Variants in GNAZ observed in about 807,000 individuals in gnomAD.
GNAZ encodes the protein G protein subunit alpha z.
GNAZ carries 3 observed loss-of-function variants against 25.4 expected under a neutral mutation model. The observed-to-expected ratio is 0.12, with a 90% confidence interval of 0.05 to 0.30. The LOEUF (loss-of-function observed/expected upper bound fraction) is 0.30. Ranked by LOEUF, GNAZ falls within the 10% of genes least tolerant of loss-of-function variation. The pLI, the probability that GNAZ is intolerant of heterozygous loss-of-function variation, is 1.00. For missense variants in GNAZ, 241 were observed against 501.8 expected (o/e 0.48, Z 4.97); for synonymous variants, 211 against 205.7 (o/e 1.03, Z -0.22).
Position 23,095,674 on chromosome 22 carries a change from C to T in GNAZ, c.-22C>T. 6.3e-7 allele frequency: 1 copy of T among 1,584,640 alleles called. No individual in the cohort carries two copies. The highest frequency in any genetic ancestry group is 1.4e-5 in the African/African-American group (1 of 73,978). On this transcript the variant is annotated 5_prime_UTR_variant, in exon 2 of 3. Coordinates refer to ENST00000615612, the MANE Select transcript of GNAZ (RefSeq NM_002073.4). ...AGGTGCCCCATCCCGTGCTCCTTGT[C>T]TGGGCCCGCTGCTGCCAGACCATGG...
intron 2 of GNAZ, among the ~76,000 whole-genome samples, chr22:23,110,403 C>G (rs928530262): frequency 1.3e-5 from 2 of 152,230 alleles, no homozygotes; most frequent in African/African-American, 2.4e-5. Flanking sequence ...TTCTGGGGCC[C>G]TCCCACCAGG....
Position 23,113,774 on chromosome 22 carries a change from G to A in GNAZ, c.724-9313G>A, listed in dbSNP as rs532969486. On this transcript the variant is annotated intron_variant, in intron 2 of 2. Transcript: ENST00000615612. ...GAATGCCTGTGTCCCAGACCCCCTC[G>A]GCAGCACTCAGGATGGCCCAGGCAG... 3.1e-4 allele frequency among the ~76,000 whole-genome samples: 47 copies of A among 152,346 alleles called. No individual in the cohort carries two copies. In the Middle Eastern group the frequency reaches 0.014, roughly 44 times the overall value.
intron 2 of GNAZ, among the ~76,000 whole-genome samples, chr22:23,116,057 TCAAA>T (rs1263918437): frequency 4.6e-5 from 7 of 152,170 alleles, no homozygotes; most frequent in African/African-American, 1.7e-4. Flanking sequence ...AACAAAACAG[TCAAA>T]CAGGTGCCAG....
intron 2 of GNAZ, among the ~76,000 whole-genome samples, chr22:23,116,701 CT>C (rs2069845953): frequency 6.6e-6 from 1 of 152,184 alleles, no homozygotes; most frequent in Non-Finnish European, 1.5e-5. Flanking sequence ...AGCCTCTCAC[CT>C]CCCCACCCCC....
At chr22:23,112,710 C>T (rs889117947) in intron 2 of GNAZ, among the ~76,000 whole-genome samples, 4 of 152,170 alleles carry the variant, frequency 2.6e-5, no homozygotes, top group African/African-American at 7.2e-5. Context: ...GATGCAGCTG[C>T]GACCTGTAGA....
At chr22:23,116,133 G>A (rs1454739962) in intron 2 of GNAZ, among the ~76,000 whole-genome samples, 2 of 152,286 alleles carry the variant, frequency 1.3e-5, no homozygotes, top group East Asian at 3.8e-4. Flanking sequence ...GCCTGGGTAA[G>A]CCTTGCTTCG....
chr22:23,072,155 C>A (rs1005827206), intron 1 of GNAZ, among the ~76,000 whole-genome samples: 1 of 152,174 alleles, frequency 6.6e-6, no homozygotes, highest in Non-Finnish European at 1.5e-5. Flanking sequence ...ACAGCCAGGG[C>A]ACTGGGTAAC....
chr22:23,124,093 T>A lies in GNAZ; in HGVS notation c.*662T>A, dbSNP rs1429415455. The A allele has an allele frequency of 4.7e-6, 1 of 214,394 alleles. No homozygotes were observed. The highest frequency in any genetic ancestry group is 2.4e-5 in the African/African-American group (1 of 41,996). The allele number at this position is 214,394 out of a possible 1,614,324, so 13.3% of individuals were successfully genotyped here. ...GCAAAAACCAATACAACAAAACGAG[T>A]GGCACGATTTATTTCAAACTAGGCC... On this transcript the variant is annotated 3_prime_UTR_variant, in exon 3 of 3. Coordinates refer to ENST00000615612, the MANE Select transcript of GNAZ (RefSeq NM_002073.4).
chr22:23,089,131 G>A (rs746826681), intron 1 of GNAZ, among the ~76,000 whole-genome samples: 6 of 152,194 alleles, frequency 3.9e-5, no homozygotes, highest in Non-Finnish European at 8.8e-5. Flanking sequence ...GGAGAGTGAG[G>A]GGCTGGACTG....
chr22:23,091,686 A>G (rs1308712852), intron 1 of GNAZ, among the ~76,000 whole-genome samples: 3 of 152,188 alleles, frequency 2.0e-5, no homozygotes, highest in Non-Finnish European at 2.9e-5. Context: ...GTGGACCTGC[A>G]TACACACACA....
intron 1 of GNAZ, among the ~76,000 whole-genome samples, chr22:23,090,381 C>T (rs2068937116): frequency 6.6e-6 from 1 of 152,180 alleles, no homozygotes. Flanking sequence ...CCACTTCCCC[C>T]AGCCCTCACC....
Position 23,124,207 on chromosome 22 carries a change from T to G in GNAZ, c.*776T>G, listed in dbSNP as rs961054416. 1.2e-4 allele frequency: 25 copies of G among 212,556 alleles called. No homozygotes were observed. Among genetic ancestry groups the G allele is most frequent in the South Asian group, 4.5e-4 (9 of 20,098 alleles). The allele number at this position is 212,556 out of a possible 1,614,324, so 13.2% of individuals were successfully genotyped here. On this transcript the variant is annotated 3_prime_UTR_variant, in exon 3 of 3. Coordinates refer to ENST00000615612, the MANE Select transcript of GNAZ (RefSeq NM_002073.4). ...TCTCTGACATTTTTTTTTTGTTTTG[T>G]TTTTTGGTTTTTTTTTTTTTTTGGC...
chr22:23,087,590 T>G (rs1601775190), intron 1 of GNAZ, among the ~76,000 whole-genome samples: 1 of 151,630 alleles, frequency 6.6e-6, no homozygotes, highest in Admixed American at 6.6e-5. Flanking sequence ...GAGACCGGAG[T>G]GTTATTATTA....
Position 23,123,441 on chromosome 22 carries a change from C to T in GNAZ, c.*10C>T, listed in dbSNP as rs1257455991. The T allele has an allele frequency of 5.1e-6, 8 of 1,578,446 alleles. No individual in the cohort carries two copies. The highest frequency in any genetic ancestry group is 6.9e-6 in the Non-Finnish European group (8 of 1,152,836). On this transcript the variant is annotated 3_prime_UTR_variant, in exon 3 of 3. Coordinates refer to ENST00000615612, the MANE Select transcript of GNAZ (RefSeq NM_002073.4). The stretch of plus-strand genomic sequence containing the variant: ...CATTGGCCTTTGCTGAGGAGCTGGG[C>T]CCGGGGCCCGCCTGCCTATGGTGAA...
At chr22:23,105,030 C>T (rs2069422268) in intron 2 of GNAZ, among the ~76,000 whole-genome samples, 2 of 152,254 alleles carry the variant, frequency 1.3e-5, no homozygotes, top group Admixed American at 1.3e-4. Flanking sequence ...ACCCTAATCC[C>T]TGCTTCATCA....
At chr22:23,109,648 G>A (rs1458989595) in intron 2 of GNAZ, among the ~76,000 whole-genome samples, 2 of 152,184 alleles carry the variant, frequency 1.3e-5, no homozygotes, top group Non-Finnish European at 2.9e-5. Flanking sequence ...CTGGAACAGA[G>A]CCCTCCGTGC....
chr22:23,074,980 C>G (rs904525336), intron 1 of GNAZ, among the ~76,000 whole-genome samples: 2 of 152,162 alleles, frequency 1.3e-5, no homozygotes, highest in Non-Finnish European at 2.9e-5. Context: ...CCAGCCTGAG[C>G]AACATGTAAG....
intron 2 of GNAZ, among the ~76,000 whole-genome samples, chr22:23,108,939 G>A (rs2069564144): frequency 6.6e-6 from 1 of 152,202 alleles, no homozygotes; most frequent in Non-Finnish European, 1.5e-5. Flanking sequence ...AGGAGCTTAG[G>A]AATTGTCTGA....
At chr22:23,106,625 C>T (rs1226494767) in intron 2 of GNAZ, among the ~76,000 whole-genome samples, 1 of 152,202 alleles carries the variant, frequency 6.6e-6, no homozygotes, top group African/African-American at 2.4e-5. Flanking sequence ...TCTGAAGGCT[C>T]AGGCTGTAGG....
Sources: gnomAD v4.1 joint callset for allele counts (sites outside exome capture counted in the v4.1 genomes callset) on GRCh38, gnomAD v4.1.1 for gene constraint, MANE v1.5 for transcripts, NCBI Gene and HGNC (gene_info 2026-07-23, HGNC 2026-07-21) for gene names.